The following ASAP1 variants were observed in gnomAD, a reference collection of about 807,000 sequenced individuals.
ASAP1 encodes ArfGAP with SH3 domain, ankyrin repeat and PH domain 1.
In ASAP1, 43 loss-of-function variants were observed where a neutral mutation model predicts 145.2. The ratio of observed to expected loss-of-function variants is 0.30; its 90% CI spans 0.23 to 0.38. ASAP1 has a LOEUF of 0.38. ASAP1 is among the 10% of genes least tolerant of loss of function. The pLI is 1.00. For synonymous variants in ASAP1, 546 were observed against 515.5 expected (o/e 1.06, Z -0.80); for missense variants, 1,018 against 1,355.3 (o/e 0.75, Z 3.91).
At chr8:130,232,161 T>C (rs1339699858) in intron 4 of ASAP1, among the ~76,000 whole-genome samples, 1 of 152,136 alleles carries the variant, frequency 6.6e-6, no homozygotes, top group Non-Finnish European at 1.5e-5. Flanking sequence ...GCCTTGGAAA[T>C]CACATGGCAT....
chr8:130,315,431 G>A (rs1392208324), intron 3 of ASAP1, among the ~76,000 whole-genome samples: 1 of 152,188 alleles, frequency 6.6e-6, no homozygotes, highest in Non-Finnish European at 1.5e-5. Context: ...GTCTAAGGCA[G>A]GGGTAAGTCT....
chr8:130,318,680 TAC>T (rs770894913), intron 3 of ASAP1, among the ~76,000 whole-genome samples: 5 of 152,218 alleles, frequency 3.3e-5, no homozygotes, highest in Non-Finnish European at 5.9e-5. Flanking sequence ...CACCTCCTTT[TAC>T]AGTTAGGTCC....
At chr8:130,092,518 T>C (rs947536043) in intron 24 of ASAP1, among the ~76,000 whole-genome samples, 1 of 152,044 alleles carries the variant, frequency 6.6e-6, no homozygotes, top group African/African-American at 2.4e-5. Flanking sequence ...TCTCAGCTAC[T>C]TGGAAGACTG....
chr8:130,157,004 T>C (rs535090773), intron 12 of ASAP1, among the ~76,000 whole-genome samples: 2 of 152,340 alleles, frequency 1.3e-5, no homozygotes, highest in African/African-American at 2.4e-5. Context: ...TTTGCTTCAA[T>C]AGATATGTAA....
At chr8:130,212,869 T>C (rs1189662561) in intron 5 of ASAP1, among the ~76,000 whole-genome samples, 1 of 152,214 alleles carries the variant, frequency 6.6e-6, no homozygotes, top group Non-Finnish European at 1.5e-5. Flanking sequence ...TTGGAGGTGA[T>C]GACTCTTGAC....
intron 17 of ASAP1, 40 bp from the exon 18 acceptor site, chr8:130,124,144 C>T (rs781748648): frequency 7.5e-7 from 1 of 1,324,852 alleles, no homozygotes; most frequent in Non-Finnish European, 1.1e-6. Context: ...ATAGCAAACT[C>T]TTTGCTACTA....
intron 23 of ASAP1, 159 bp from the exon 24 acceptor site, chr8:130,112,481 C>T (rs762865290): frequency 1.7e-6 from 1 of 601,950 alleles, no homozygotes; most frequent in Non-Finnish European, 2.9e-6. Flanking sequence ...TGACACAGTA[C>T]AAGGGAAGGA....
intron 3 of ASAP1, among the ~76,000 whole-genome samples, chr8:130,319,949 A>G (rs1438374819): frequency 6.6e-6 from 1 of 152,248 alleles, no homozygotes; most frequent in Non-Finnish European, 1.5e-5. Flanking sequence ...TGTTCTATAT[A>G]AAGTCTTCAC....
intron 3 of ASAP1, among the ~76,000 whole-genome samples, chr8:130,315,562 G>A (rs1431361575): frequency 6.6e-6 from 1 of 152,202 alleles, no homozygotes; most frequent in Admixed American, 6.5e-5. Context: ...GAAGAGGCGA[G>A]TCTGAATTAG....
At chr8:130,130,220 T>C (rs1304361706) in intron 15 of ASAP1, among the ~76,000 whole-genome samples, 1 of 152,234 alleles carries the variant, frequency 6.6e-6, no homozygotes, top group African/African-American at 2.4e-5. Flanking sequence ...TCTTCTCACA[T>C]GCCTCTAAGT....
chr8:130,062,204 G>GTTT (rs2097421069), intron 27 of ASAP1, among the ~76,000 whole-genome samples: 1 of 152,212 alleles, frequency 6.6e-6, no homozygotes, highest in Non-Finnish European at 1.5e-5. Flanking sequence ...GACATAGCCT[G>GTTT]CACTCAGGGA....
chr8:130,188,212 G>A, intron 5 of ASAP1, 29 bp from the exon 6 acceptor site: 2 of 1,565,126 alleles, frequency 1.3e-6, no homozygotes, highest in Non-Finnish European at 1.8e-6. Flanking sequence ...GATGGGAGAT[G>A]GTTAAAAAAT....
At chr8:130,257,278 C>T (rs1240538672) in intron 3 of ASAP1, among the ~76,000 whole-genome samples, 3 of 152,122 alleles carry the variant, frequency 2.0e-5, no homozygotes, top group Non-Finnish European at 2.9e-5. Flanking sequence ...CCCAGAGATT[C>T]ACCAAATTAC....
chr8:130,091,865 G>A, intron 25 of ASAP1, 108 bp downstream of exon 25: 1 of 1,203,350 alleles, frequency 8.3e-7, no homozygotes, highest in Non-Finnish European at 1.1e-6. Context: ...CCCAGCATGT[G>A]TGTGCATTTT....
In ASAP1 at chr8:130,123,996, A is replaced by G. The variant is rs778351053; in HGVS notation, c.1607+17T>C. On this transcript the variant is annotated intron_variant, in intron 18 of 29. Coordinates refer to ENST00000518721, the MANE Select transcript of ASAP1 (RefSeq NM_018482.4). The stretch of plus-strand genomic sequence containing the variant: ...ATAGAATGGTTTAAAAAAGTTCAAT[A>G]TATCAGAAATACTTACATATCACTT... 10 of 1,572,582 alleles carry G rather than the reference A, an allele frequency of 6.4e-6. No individual in the cohort carries two copies. The Admixed American group carries it at 8.7e-5, about 14-fold the overall frequency.
chr8:130,098,468 G>A (rs1050127311), intron 24 of ASAP1, among the ~76,000 whole-genome samples: 7 of 151,904 alleles, frequency 4.6e-5, no homozygotes, highest in African/African-American at 1.7e-4. Context: ...CTCAGCCTCC[G>A]AAGTAGCTGG....
intron 11 of ASAP1, among the ~76,000 whole-genome samples, chr8:130,161,602 C>G (rs1198935660): frequency 1.3e-5 from 2 of 152,132 alleles, no homozygotes; most frequent in Non-Finnish European, 2.9e-5. Context: ...CTTAACCAGG[C>G]AAGCTGACTC....
intron 28 of ASAP1, among the ~76,000 whole-genome samples, chr8:130,058,754 T>A (rs1027770565): frequency 1.1e-4 from 17 of 152,318 alleles, no homozygotes; most frequent in African/African-American, 4.1e-4. Context: ...TTGGCAATTT[T>A]AAAAAAAGCA....
chr8:130,172,307 T>C (rs1323110932), intron 9 of ASAP1, among the ~76,000 whole-genome samples: 1 of 152,222 alleles, frequency 6.6e-6, no homozygotes, highest in African/African-American at 2.4e-5. Flanking sequence ...GGGAATTTAA[T>C]CTTTATGCTT....
Sources: allele counts gnomAD v4.1 joint callset (sites outside exome capture counted in the v4.1 genomes callset), GRCh38; gene constraint gnomAD v4.1.1; transcripts MANE v1.5; gene names NCBI Gene and HGNC (gene_info 2026-07-23, HGNC 2026-07-21).